Variants in EEPD1 observed in about 807,000 individuals in gnomAD.
EEPD1 encodes the protein endonuclease/exonuclease/phosphatase family domain containing 1, also known as endonuclease/exonuclease/phosphatase family domain-containing protein 1.
A neutral mutation model predicts 46.3 loss-of-function variants in EEPD1; 17 were observed. The observed-to-expected ratio is 0.37, with a 90% CI of 0.25 to 0.55. The LOEUF is 0.55. EEPD1 is among the 20% of genes least tolerant of loss of function. The pLI is 0.83. For synonymous variants in EEPD1, 313 were observed against 315.6 expected (o/e 0.99, Z 0.09); for missense variants, 673 against 745.6 (o/e 0.90, Z 1.13).
chr7:36,173,999 C>T (rs1236551225), intron 2 of EEPD1, among the ~76,000 whole-genome samples: 1 of 152,136 alleles, frequency 6.6e-6, no homozygotes, highest in Non-Finnish European at 1.5e-5. Context: ...AGCTGAGGGA[C>T]TATGAAGAGC....
chr7:36,202,537 G>T (rs1388199083), intron 2 of EEPD1, among the ~76,000 whole-genome samples: 4 of 152,166 alleles, frequency 2.6e-5, no homozygotes, highest in South Asian at 4.1e-4. Flanking sequence ...CTCTGCGAGG[G>T]TGTCCACAGG....
chr7:36,229,787 C>T (rs1023051964), intron 2 of EEPD1, among the ~76,000 whole-genome samples: 28 of 152,288 alleles, frequency 1.8e-4, no homozygotes, highest in African/African-American at 6.0e-4. Flanking sequence ...GTCCCTTTGC[C>T]GCTTCCATAA....
chr7:36,255,896 T>C (rs536093381), intron 3 of EEPD1, among the ~76,000 whole-genome samples: 1 of 152,320 alleles, frequency 6.6e-6, no homozygotes, highest in African/African-American at 2.4e-5. Context: ...CATGCTTCTC[T>C]AGTTCTTTTA....
intron 2 of EEPD1, among the ~76,000 whole-genome samples, chr7:36,176,380 G>A (rs939255994): frequency 6.6e-6 from 1 of 152,188 alleles, no homozygotes; most frequent in Admixed American, 6.5e-5. Flanking sequence ...GAAGAGGCAG[G>A]GTTTCCTACC....
chr7:36,218,748 T>C (rs1273178182), intron 2 of EEPD1, among the ~76,000 whole-genome samples: 2 of 152,184 alleles, frequency 1.3e-5, no homozygotes, highest in Non-Finnish European at 2.9e-5. Flanking sequence ...TGTGAAAATA[T>C]CACCCTCTTT....
intron 2 of EEPD1, among the ~76,000 whole-genome samples, chr7:36,197,065 C>T (rs1160109876): frequency 6.6e-6 from 1 of 150,706 alleles, no homozygotes; most frequent in Non-Finnish European, 1.5e-5. Flanking sequence ...CCGGCCACGA[C>T]CCCGTCTGGG....
chr7:36,228,024 C>T (rs1041568014), intron 2 of EEPD1, among the ~76,000 whole-genome samples: 3 of 152,070 alleles, frequency 2.0e-5, no homozygotes, highest in African/African-American at 2.4e-5. Context: ...ATGGGAGGAT[C>T]GCTTGAGCCC....
rs972338949 is a variant in EEPD1 at position 36,287,892 on chromosome 7, G to A, written c.1315+115G>A. ...GCTGTTTGTCAGCAATGTGAGTCGC[G>A]GGTACAGGGGACAGTCAAACCTCTG... On this transcript the variant is annotated intron_variant, in intron 6 of 7. Coordinates refer to ENST00000242108, the MANE Select transcript of EEPD1 (RefSeq NM_030636.3). The A allele has an allele frequency of 1.1e-5, 16 of 1,423,794 alleles. 1 individual carries two copies. The highest frequency in any genetic ancestry group is 8.6e-5 in the African/African-American group (6 of 70,002). The allele number at this position is 1,423,794 out of a possible 1,614,324, so 88.2% of individuals were successfully genotyped here.
chr7:36,297,221 C>G, intron 7 of EEPD1, 34 bp downstream of exon 7: 1 of 1,606,660 alleles, frequency 6.2e-7, no homozygotes, highest in Non-Finnish European at 8.5e-7. Context: ...TTCTCCTGTT[C>G]AGGAATGGAG....
intron 3 of EEPD1, among the ~76,000 whole-genome samples, chr7:36,271,177 A>G (rs1583473440): frequency 6.6e-6 from 1 of 152,002 alleles, no homozygotes; most frequent in East Asian, 1.9e-4. Flanking sequence ...TAGTAGAGAC[A>G]GGGTTTTACC....
chr7:36,244,595 A>T (rs1389368093), intron 3 of EEPD1, among the ~76,000 whole-genome samples: 1 of 152,026 alleles, frequency 6.6e-6, no homozygotes, highest in Non-Finnish European at 1.5e-5. Flanking sequence ...GCCAGCTCTG[A>T]GGAGGTTCCC....
chr7:36,273,860 G>A (rs1305371672), intron 3 of EEPD1, among the ~76,000 whole-genome samples: 1 of 152,174 alleles, frequency 6.6e-6, no homozygotes, highest in Non-Finnish European at 1.5e-5. Context: ...CCAAAGCCAC[G>A]AGGAAGCAAG....
At chr7:36,240,335 A>C (rs1286437450) in intron 3 of EEPD1, among the ~76,000 whole-genome samples, 1 of 152,224 alleles carries the variant, frequency 6.6e-6, no homozygotes, top group African/African-American at 2.4e-5. Context: ...TAAAGTCTTT[A>C]AAATGAACAC....
intron 2 of EEPD1, among the ~76,000 whole-genome samples, chr7:36,176,117 G>A (rs1785174520): frequency 6.6e-6 from 1 of 152,224 alleles, no homozygotes; most frequent in Admixed American, 6.5e-5. Context: ...GGAGGAACTT[G>A]GGAGCCACAA....
chr7:36,234,773 G>A (rs890366186), intron 2 of EEPD1, among the ~76,000 whole-genome samples: 2 of 152,164 alleles, frequency 1.3e-5, no homozygotes, highest in Non-Finnish European at 1.5e-5. Flanking sequence ...GGTTGCTGGA[G>A]GTGGAGAGGA....
At chr7:36,273,704 C>T in intron 3 of EEPD1, among the ~76,000 whole-genome samples, 1 of 152,078 alleles carries the variant, frequency 6.6e-6, no homozygotes, top group Non-Finnish European at 1.5e-5. Context: ...CTAGAGGTGC[C>T]CTGGTCTGGA....
chr7:36,168,640 C>G (rs933455535), intron 2 of EEPD1, among the ~76,000 whole-genome samples: 1 of 148,274 alleles, frequency 6.7e-6, no homozygotes, highest in Admixed American at 6.8e-5. Flanking sequence ...CACCTGCAGT[C>G]CCAGCTACTC....
chr7:36,176,679 A>T (rs1415643222), intron 2 of EEPD1, among the ~76,000 whole-genome samples: 2 of 152,218 alleles, frequency 1.3e-5, no homozygotes, highest in Non-Finnish European at 2.9e-5. Flanking sequence ...GTACAGAGAA[A>T]CATCTATAAT....
intron 2 of EEPD1, among the ~76,000 whole-genome samples, chr7:36,237,906 A>T (rs1786486068): frequency 6.6e-6 from 1 of 152,132 alleles, no homozygotes. Context: ...AGCCAAGATC[A>T]CTCCACTGCA....
Sources: allele counts gnomAD v4.1 joint callset (sites outside exome capture counted in the v4.1 genomes callset), GRCh38; gene constraint gnomAD v4.1.1; transcripts MANE v1.5; gene names NCBI Gene and HGNC (gene_info 2026-07-23, HGNC 2026-07-21).